Variants in HIVEP1 observed in about 807,000 individuals in gnomAD.
HIVEP1 encodes zinc finger protein 40.
A neutral mutation model predicts 180.0 loss-of-function variants in HIVEP1; 36 were observed. That is an observed-to-expected ratio of 0.20 (90% CI 0.15 to 0.26). The LOEUF (loss-of-function observed/expected upper bound fraction) is 0.26, where lower values mean the gene tolerates loss of function less well. Ranked by LOEUF, HIVEP1 falls within the 10% of genes least tolerant of loss-of-function variation. HIVEP1 has a pLI of 1.00. For missense variants in HIVEP1, 3,143 were observed against 3,268.7 expected, an observed-to-expected ratio of 0.96 and a Z score of 0.94; for synonymous variants, 1,239 against 1,239.0, an observed-to-expected ratio of 1.00 and a Z score of 0.00.
Position 12,135,849 on chromosome 6 carries a change from C to G in HIVEP1, c.6444C>G (p.Gly2148=). ...KAHSKKCVDL[G]VSVGLIDEQD... is the part of the protein sequence containing the mutation. ...ATAGCAAGAAATGTGTGGATTTAGG[C>G]GTCTCAGTAGGTTTAATAGATGAAC... The change falls in exon 7 of 9, where the codon GGC becomes GGG. Residue 2148 remains glycine, a synonymous_variant. Coordinates refer to ENST00000379388, the MANE Select transcript of HIVEP1 (RefSeq NM_002114.4). The G allele has an allele frequency of 6.2e-7, 1 of 1,611,944 alleles. No homozygotes were observed. The highest frequency in any genetic ancestry group is 8.5e-7 in the Non-Finnish European group (1 of 1,178,280).
intron 2 of HIVEP1, among the ~76,000 whole-genome samples, chr6:12,081,597 C>T (rs1023052702): frequency 2.1e-4 from 32 of 152,074 alleles, no homozygotes; most frequent in African/African-American, 7.2e-4. Flanking sequence ...CTCTTGATGC[C>T]CTGCTCTGCT....
intron 2 of HIVEP1, among the ~76,000 whole-genome samples, chr6:12,074,958 CTT>C (rs1772253624): frequency 6.6e-6 from 1 of 152,100 alleles, no homozygotes; most frequent in South Asian, 2.1e-4. Context: ...AGTTGAAATA[CTT>C]TCTTCTTGTA....
intron 7 of HIVEP1, among the ~76,000 whole-genome samples, chr6:12,147,297 T>G (rs1287933937): frequency 6.6e-6 from 1 of 152,240 alleles, no homozygotes; most frequent in African/African-American, 2.4e-5. Flanking sequence ...TGAAAACTAT[T>G]ATTTTTTAGA....
At chr6:12,042,333 G>A (rs1421528708) in intron 2 of HIVEP1, among the ~76,000 whole-genome samples, 19 of 148,648 alleles carry the variant, frequency 1.3e-4, no homozygotes, top group Non-Finnish European at 2.5e-4. Flanking sequence ...CACCCGCCTC[G>A]GCCTCCCAAA....
At chr6:12,140,142 G>A (rs889635503) in intron 7 of HIVEP1, among the ~76,000 whole-genome samples, 1 of 152,200 alleles carries the variant, frequency 6.6e-6, no homozygotes, top group Non-Finnish European at 1.5e-5. Context: ...GCTTCCAGAG[G>A]AAGGATCAGG....
intron 2 of HIVEP1, among the ~76,000 whole-genome samples, chr6:12,068,126 C>T (rs1771720517): frequency 6.6e-6 from 1 of 152,080 alleles, no homozygotes; most frequent in Non-Finnish European, 1.5e-5. Context: ...GTTTCGCCCT[C>T]GTTGCCCAGG....
At chr6:12,111,454 A>G (rs1233517914) in intron 3 of HIVEP1, among the ~76,000 whole-genome samples, 1 of 152,230 alleles carries the variant, frequency 6.6e-6, no homozygotes, top group African/African-American at 2.4e-5. Flanking sequence ...GGCTATAATG[A>G]TGATGTCAGC....
chr6:12,127,822 T>C (rs1312861566), intron 4 of HIVEP1, among the ~76,000 whole-genome samples: 1 of 151,320 alleles, frequency 6.6e-6, no homozygotes, highest in Non-Finnish European at 1.5e-5. Context: ...TCAAGGAGAG[T>C]TGTTAGGTCA....
At chr6:12,011,815 T>C (rs1313303764), upstream of HIVEP1, among the ~76,000 whole-genome samples, 1 of 146,026 alleles carries the variant, frequency 6.8e-6, no homozygotes, top group Non-Finnish European at 1.5e-5. Context: ...CCCCGGCGCC[T>C]GGGCGTCCCG....
intron 7 of HIVEP1, among the ~76,000 whole-genome samples, chr6:12,160,710 G>T (rs562149203): frequency 1.3e-5 from 2 of 152,372 alleles, no homozygotes; most frequent in Admixed American, 1.3e-4. Context: ...ATATACAGAA[G>T]TAACAGTGAT....
downstream of HIVEP1, among the ~76,000 whole-genome samples, chr6:12,168,064 C>T (rs887509908): frequency 1.4e-4 from 3 of 21,448 alleles, no homozygotes; most frequent in East Asian, 4.4e-3. Context: ...TGTATATATA[C>T]ATATATATGT....
intron 1 of HIVEP1, among the ~76,000 whole-genome samples, chr6:12,014,594 C>T (rs942875056): frequency 9.2e-5 from 14 of 152,182 alleles, no homozygotes; most frequent in African/African-American, 1.9e-4. Flanking sequence ...TTAACAGTGA[C>T]AGTGGGCTTT....
At chr6:12,055,157 G>C (rs1770776858) in intron 2 of HIVEP1, among the ~76,000 whole-genome samples, 1 of 152,190 alleles carries the variant, frequency 6.6e-6, no homozygotes, top group South Asian at 2.1e-4. Flanking sequence ...TATACTTGAG[G>C]AATCTAAACA....
At chr6:12,051,554 T>C (rs1384101981) in intron 2 of HIVEP1, among the ~76,000 whole-genome samples, 2 of 152,062 alleles carry the variant, frequency 1.3e-5, no homozygotes, top group Admixed American at 1.3e-4. Flanking sequence ...TGTATGTAAA[T>C]ACTATATAAT....
At chr6:12,127,119 C>T (rs545586115) in intron 4 of HIVEP1, among the ~76,000 whole-genome samples, 1 of 151,922 alleles carries the variant, frequency 6.6e-6, no homozygotes, top group African/African-American at 2.4e-5. Flanking sequence ...TCTTGGCCTC[C>T]CAAAGTGCTG....
the HIVEP1 span, among the ~76,000 whole-genome samples, chr6:12,184,022 TAGACAGACAGAC>T: frequency 0.044 from 4,470 of 101,734 alleles, 79 homozygotes; most frequent in South Asian, 0.054. Context: ...GATAGATAGA[TAGACAGACAGAC>T]AGACAGACAG....
chr6:12,055,746 C>A (rs984515888), intron 2 of HIVEP1, among the ~76,000 whole-genome samples: 2 of 152,182 alleles, frequency 1.3e-5, no homozygotes, highest in African/African-American at 4.8e-5. Context: ...GGATTGGAAT[C>A]ATGAGATTTC....
chr6:12,186,611 G>A, the HIVEP1 span, among the ~76,000 whole-genome samples: 1 of 148,862 alleles, frequency 6.7e-6, no homozygotes, highest in Admixed American at 6.7e-5. Context: ...CCTAAAGTCA[G>A]TTGATTCACC....
At chr6:12,209,773 A>G in the HIVEP1 span, among the ~76,000 whole-genome samples, 5,510 of 152,284 alleles carry the variant, frequency 0.036, 331 homozygotes, top group African/African-American at 0.12. Flanking sequence ...AATTATGTTA[A>G]TTAATATATG....
Sources: gnomAD v4.1 joint callset for allele counts (sites outside exome capture counted in the v4.1 genomes callset) on GRCh38, gnomAD v4.1.1 for gene constraint, MANE v1.5 for transcripts, NCBI Gene and HGNC (gene_info 2026-07-23, HGNC 2026-07-21) for gene names.